The following SLC2A9 variants were observed in gnomAD, a reference collection of about 807,000 sequenced individuals.
SLC2A9 encodes solute carrier family 2, facilitated glucose transporter member 9.
In SLC2A9, 39 loss-of-function variants were observed where a neutral mutation model predicts 50.6. The observed-to-expected ratio is 0.77, with a 90% CI of 0.60 to 1.01. The LOEUF is 1.01. SLC2A9 is among the 50% of genes least tolerant of loss of function. The pLI is 0.00. For synonymous variants in SLC2A9, 324 were observed against 276.9 expected (o/e 1.17, Z -1.69); for missense variants, 686 against 677.6 (o/e 1.01, Z -0.14).
At chr4:9,809,325 T>C (rs1722543743) in intron 3 of SLC2A9, among the ~76,000 whole-genome samples, 1 of 152,166 alleles carries the variant, frequency 6.6e-6, no homozygotes, top group Admixed American at 6.5e-5. Flanking sequence ...CTTGGGGTCA[T>C]GGGAATGTTA....
chr4:9,945,465 C>T (rs1286280663), intron 5 of SLC2A9, among the ~76,000 whole-genome samples: 1 of 152,154 alleles, frequency 6.6e-6, no homozygotes, highest in African/African-American at 2.4e-5. Context: ...CACAATAGCT[C>T]GCAGACAGAG....
chr4:9,947,474 G>A (rs931710049), intron 5 of SLC2A9, among the ~76,000 whole-genome samples: 4 of 152,168 alleles, frequency 2.6e-5, no homozygotes, highest in Non-Finnish European at 4.4e-5. Flanking sequence ...TGAGGTTAGT[G>A]TATTAATATT....
At chr4:9,890,794 T>C (rs888418642) in intron 8 of SLC2A9, 83 bp from the exon 9 acceptor site, 1 of 1,248,128 alleles carries the variant, frequency 8.0e-7, no homozygotes, top group African/African-American at 1.5e-5. Context: ...GAACCGGCAA[T>C]GGCATCATGA....
At chr4:9,891,430 C>T (rs976909872) in intron 8 of SLC2A9, among the ~76,000 whole-genome samples, 3 of 152,156 alleles carry the variant, frequency 2.0e-5, no homozygotes, top group South Asian at 2.1e-4. Flanking sequence ...TCCAGATGCA[C>T]GAACTTTGGC....
chr4:10,034,482 A>C (rs1764034733), intron 1 of SLC2A9: 1 of 152,300 alleles, frequency 6.6e-6, no homozygotes, highest in Non-Finnish European at 1.5e-5. Context: ...CAGAGCTCTC[A>C]CTTGGCATTT....
intron 3 of SLC2A9, among the ~76,000 whole-genome samples, chr4:9,815,559 C>T (rs1364846616): frequency 6.6e-6 from 1 of 152,206 alleles, no homozygotes; most frequent in Non-Finnish European, 1.5e-5. Context: ...TAGGGTGTGG[C>T]CTTCAGTTTC....
intron 5 of SLC2A9, 49 bp from the exon 6 acceptor site, chr4:9,942,094 T>C: frequency 6.2e-7 from 1 of 1,612,062 alleles, no homozygotes; most frequent in Non-Finnish European, 8.5e-7. Flanking sequence ...TGGTCATTGT[T>C]GAGGGGACTG....
intron 5 of SLC2A9, among the ~76,000 whole-genome samples, chr4:9,952,526 ATCTG>A (rs5856027): frequency 0.31 from 43,025 of 140,966 alleles, 7,273 homozygotes; most frequent in African/African-American, 0.5. Flanking sequence ...CCTGTCTCAG[ATCTG>A]TCTGTCTTTT....
Position 10,029,940 on chromosome 4 carries a change from T to G in SLC2A9, c.-40-3934A>C, listed in dbSNP as rs558720618. Among the ~76,000 whole-genome samples the G allele has an allele frequency of 7.9e-5, 12 of 152,208 alleles. 1 individual carries two copies. In the South Asian group the frequency reaches 2.3e-3, roughly 29 times the overall value. ...TGTGAGCCACCATGGCTGGCAGAGA[T>G]AAATTTTTTTTTTAAAGCTCCTTGG... On this transcript the variant is annotated intron_variant, in intron 1 of 12. Transcript: ENST00000309065.
At chr4:9,800,375 G>A (rs1721229834) in intron 3 of SLC2A9, among the ~76,000 whole-genome samples, 1 of 152,192 alleles carries the variant, frequency 6.6e-6, no homozygotes, top group African/African-American at 2.4e-5. Flanking sequence ...ATGGAGTATG[G>A]TGGACCCCTA....
chr4:9,945,387 T>C (rs1434804914), intron 5 of SLC2A9, among the ~76,000 whole-genome samples: 1 of 152,228 alleles, frequency 6.6e-6, no homozygotes, highest in East Asian at 1.9e-4. Context: ...GCACACACTG[T>C]AGGTGTTCAA....
chr4:9,783,017 C>T, intron 3 of SLC2A9: 1 of 1,614,234 alleles, frequency 6.2e-7, no homozygotes, highest in Non-Finnish European at 8.5e-7. Flanking sequence ...CGAAGGCCCT[C>T]CGGCCGGCTT....
At chr4:9,845,793 G>A (rs1728896602) in intron 10 of SLC2A9, among the ~76,000 whole-genome samples, 1 of 152,118 alleles carries the variant, frequency 6.6e-6, no homozygotes, top group Admixed American at 6.5e-5. Context: ...TTCCTTAAGT[G>A]TATCCATATG....
intron 10 of SLC2A9, among the ~76,000 whole-genome samples, chr4:9,878,077 C>T (rs1016039075): frequency 6.6e-6 from 1 of 152,096 alleles, no homozygotes; most frequent in African/African-American, 2.4e-5. Flanking sequence ...GGTAGAGACA[C>T]TGTCTTGCTC....
At chr4:9,875,591 T>C (rs945813208) in intron 10 of SLC2A9, among the ~76,000 whole-genome samples, 4 of 152,238 alleles carry the variant, frequency 2.6e-5, no homozygotes, top group Admixed American at 6.5e-5. Flanking sequence ...TTTAGCTTAG[T>C]TGCCTATTGT....
At chr4:9,944,189 C>T (rs1391990168) in intron 5 of SLC2A9, among the ~76,000 whole-genome samples, 3 of 152,108 alleles carry the variant, frequency 2.0e-5, no homozygotes, top group Non-Finnish European at 4.4e-5. Flanking sequence ...TCAGGGGATG[C>T]CGGAGATGTG....
intron 8 of SLC2A9, among the ~76,000 whole-genome samples, chr4:9,901,586 A>G (rs1161440635): frequency 6.6e-6 from 1 of 152,246 alleles, no homozygotes. Flanking sequence ...ATAGACAGCA[A>G]AGAAAACAAT....
chr4:9,857,766 C>T (rs1325938051), intron 10 of SLC2A9, among the ~76,000 whole-genome samples: 1 of 152,190 alleles, frequency 6.6e-6, no homozygotes, highest in Non-Finnish European at 1.5e-5. Flanking sequence ...ACTCAGTGCC[C>T]ACTCCCTCCT....
chr4:9,989,392 A>C (rs770739109), intron 3 of SLC2A9, among the ~76,000 whole-genome samples: 1 of 152,148 alleles, frequency 6.6e-6, no homozygotes, highest in Non-Finnish European at 1.5e-5. Flanking sequence ...TCTCTCCTAG[A>C]GGACTATTTC....
Sources: gnomAD v4.1 joint callset for allele counts (sites outside exome capture counted in the v4.1 genomes callset) on GRCh38, gnomAD v4.1.1 for gene constraint, MANE v1.5 for transcripts, NCBI Gene and HGNC (gene_info 2026-07-23, HGNC 2026-07-21) for gene names.